Variants in ASIC2 observed in about 807,000 individuals in gnomAD.
ASIC2 encodes the protein acid sensing ion channel subunit 2, also known as acid-sensing ion channel 2.
A neutral mutation model predicts 57.3 loss-of-function variants in ASIC2; 25 were observed. The ratio of observed to expected loss-of-function variants is 0.44; its 90% CI spans 0.32 to 0.61. The LOEUF (loss-of-function observed/expected upper bound fraction) is 0.61. Among genes scored for constraint, ASIC2 ranks in the 20% least tolerant of loss-of-function variants. The pLI is 0.06. For missense variants in ASIC2, 641 were observed against 738.1 expected (o/e 0.87, Z 1.52); for synonymous variants, 319 against 307.5 (o/e 1.04, Z -0.39).
intron 1 of ASIC2, among the ~76,000 whole-genome samples, chr17:34,017,701 G>A (rs367781152): frequency 1.3e-5 from 2 of 152,318 alleles, no homozygotes; most frequent in African/African-American, 2.4e-5. Flanking sequence ...TGGTGGTCTG[G>A]ATAGAAAATC....
chr17:33,166,297 T>C (rs1310649587), intron 1 of ASIC2, among the ~76,000 whole-genome samples: 1 of 152,202 alleles, frequency 6.6e-6, no homozygotes, highest in Non-Finnish European at 1.5e-5. Context: ...TGACCCATAA[T>C]AGGTGCTTAT....
chr17:33,143,943 A>T (rs1310788279), intron 1 of ASIC2, among the ~76,000 whole-genome samples: 1 of 152,210 alleles, frequency 6.6e-6, no homozygotes, highest in East Asian at 1.9e-4. Flanking sequence ...TGCATCATTC[A>T]GTGTAGTAAA....
chr17:33,709,281 C>T (rs7223612), intron 1 of ASIC2, among the ~76,000 whole-genome samples: 4,433 of 152,304 alleles, frequency 0.029, 197 homozygotes, highest in African/African-American at 0.098. Context: ...ATAATGCCCT[C>T]CTCCCACAGA....
intron 1 of ASIC2, among the ~76,000 whole-genome samples, chr17:34,026,894 G>A (rs941094178): frequency 1.1e-4 from 16 of 152,150 alleles, no homozygotes; most frequent in Admixed American, 9.2e-4. Context: ...CACAGACTGC[G>A]TTAGAACCTT....
In ASIC2 at chr17:33,992,683, A is replaced by T. The variant is rs116122329; in HGVS notation, c.555+163295T>A. Among the ~76,000 whole-genome samples the T allele has an allele frequency of 6.2e-3, 946 of 152,304 alleles. 11 individuals are homozygous for T. The highest frequency in any genetic ancestry group is 0.022 in the African/African-American group (921 of 41,568). ...GCTTGAGATCAGTCATGGTGGGGAT[A>T]TTTATAACAGAGAAATCGGCAAACA... On this transcript the variant is annotated intron_variant, in intron 1 of 9. Transcript: ENST00000359872.
At chr17:34,057,472 A>G (rs1187444631) in intron 1 of ASIC2, among the ~76,000 whole-genome samples, 3 of 152,192 alleles carry the variant, frequency 2.0e-5, no homozygotes, top group African/African-American at 7.2e-5. Flanking sequence ...CTGTCTGATG[A>G]TGGGACTTGG....
chr17:33,544,632 T>A (rs1289191383), intron 1 of ASIC2, among the ~76,000 whole-genome samples: 1 of 152,202 alleles, frequency 6.6e-6, no homozygotes, highest in Non-Finnish European at 1.5e-5. Context: ...GCCATCAATT[T>A]TAAGATGCGC....
chr17:34,156,089 G>C lies in ASIC2; in HGVS notation c.444C>G (p.Pro148=). 2 of 1,614,046 alleles carry C rather than the reference G, an allele frequency of 1.2e-6. No homozygotes were observed. The highest frequency in any genetic ancestry group is 1.7e-6 in the Non-Finnish European group (2 of 1,180,020). ...GGAACTCCAGCATGCTGAACTGCTT[G>C]GGTTTGTAGTGCTTGAAGTTGGCCT... The change falls in exon 1 of 10, where the codon CCC becomes CCG. Residue 148 remains proline, a synonymous_variant. Transcript: ENST00000359872. This position sits in a 1 kb window ranked among gnomAD's most constrained non-coding sequence, Gnocchi z 4.4.
chr17:33,174,188 A>G (rs148050140), intron 1 of ASIC2, among the ~76,000 whole-genome samples: 2,776 of 152,238 alleles, frequency 0.018, 83 homozygotes, highest in African/African-American at 0.062. Flanking sequence ...TTGCGAGGCC[A>G]AGGCGAGTGG....
At chr17:33,287,822 G>A (rs995467755) in intron 1 of ASIC2, among the ~76,000 whole-genome samples, 4 of 152,174 alleles carry the variant, frequency 2.6e-5, no homozygotes, top group Non-Finnish European at 5.9e-5. Context: ...TCTTAGGATT[G>A]GGGAGCACAG....
At chr17:33,596,212 T>A (rs1379701364) in intron 1 of ASIC2, among the ~76,000 whole-genome samples, 1 of 152,184 alleles carries the variant, frequency 6.6e-6, no homozygotes, top group Non-Finnish European at 1.5e-5. Context: ...GTTCTCTTCC[T>A]CTCTCTCTTC....
chr17:33,625,522 G>A (rs1207359651), intron 1 of ASIC2, among the ~76,000 whole-genome samples: 1 of 152,144 alleles, frequency 6.6e-6, no homozygotes. Flanking sequence ...TGAAAACTGT[G>A]AGCTGATAAG....
chr17:33,858,029 C>G (rs1745973745), intron 1 of ASIC2, among the ~76,000 whole-genome samples: 1 of 152,184 alleles, frequency 6.6e-6, no homozygotes, highest in South Asian at 2.1e-4. Flanking sequence ...TCAGGTAACA[C>G]CTTGCAGTGA....
At chr17:33,516,959 T>C (rs2141952708) in intron 1 of ASIC2, among the ~76,000 whole-genome samples, 1 of 152,364 alleles carries the variant, frequency 6.6e-6, no homozygotes, top group East Asian at 1.9e-4. Flanking sequence ...CATCAGAATG[T>C]ATCGGTGCCG....
intron 1 of ASIC2, among the ~76,000 whole-genome samples, chr17:33,949,128 TG>T (rs760618692): frequency 2.0e-5 from 3 of 152,154 alleles, no homozygotes; most frequent in Non-Finnish European, 4.4e-5. Flanking sequence ...TAAAGACCAG[TG>T]GGCCATGCAA....
chr17:33,258,591 T>C (rs939031298), intron 1 of ASIC2, among the ~76,000 whole-genome samples: 3 of 151,908 alleles, frequency 2.0e-5, no homozygotes, highest in African/African-American at 7.3e-5. Context: ...CCTGAGGTGG[T>C]AGTAGAGGTG....
intron 1 of ASIC2, among the ~76,000 whole-genome samples, chr17:33,630,973 C>A (rs965285593): frequency 3.3e-5 from 5 of 152,138 alleles, no homozygotes; most frequent in African/African-American, 7.2e-5. Flanking sequence ...TTCTTATCTG[C>A]AAATTAATAT....
Position 33,291,914 on chromosome 17 carries a change from C to G in ASIC2, c.202G>C (p.Gly68Arg). ...CGCCCGGCACACATGTGCCGCAGCC[C>G]GTGCAGTTTAGCGCGGCTCAGCGAT... ...RPSLSRAKLH[G>R]LRHMCAGRTA... Residue 68 changes from glycine to arginine, a missense_variant, in exon 1 of 10, where the codon GGG becomes CGG. Physicochemically the swap from Gly to Arg is moderately radical, Grantham distance 125. Transcript: ENST00000225823. 6.3e-7 allele frequency: 1 copy of G among 1,592,536 alleles called. No individual in the cohort carries two copies. The highest frequency in any genetic ancestry group is 8.5e-7 in the Non-Finnish European group (1 of 1,174,918).
intron 1 of ASIC2, among the ~76,000 whole-genome samples, chr17:34,086,936 T>C (rs1160852030): frequency 1.3e-5 from 2 of 152,228 alleles, no homozygotes; most frequent in Admixed American, 6.5e-5. Context: ...TGTGTGTCTC[T>C]GCATGGGAGA....
Sources: allele counts gnomAD v4.1 joint callset (sites outside exome capture counted in the v4.1 genomes callset), GRCh38; gene constraint gnomAD v4.1.1; non-coding constraint Gnocchi (gnomAD v3.1); transcripts MANE v1.5; gene names NCBI Gene and HGNC (gene_info 2026-07-23, HGNC 2026-07-21).